The following SMYD3 variants were observed in gnomAD, a reference collection of about 807,000 sequenced individuals.
SMYD3 encodes SET and MYND domain containing 3, also known as histone-lysine N-methyltransferase SMYD3.
SMYD3 carries 36 observed loss-of-function variants against 57.7 expected under a neutral mutation model. The ratio of observed to expected loss-of-function variants is 0.62; its 90% CI spans 0.48 to 0.82. SMYD3 has a LOEUF of 0.82. Among genes scored for constraint, SMYD3 ranks in the 40% least tolerant of loss-of-function variants. The probability of loss-of-function intolerance (pLI) is 0.00; values close to 1 mark genes in which losing one functional copy is unlikely to be tolerated. For synonymous variants in SMYD3, 211 were observed against 195.0 expected (o/e 1.08, Z -0.68); for missense variants, 515 against 538.8 (o/e 0.96, Z 0.44).
At chr1:246,356,768 G>C (rs886954372) in intron 1 of SMYD3, among the ~76,000 whole-genome samples, 1 of 152,092 alleles carries the variant, frequency 6.6e-6, no homozygotes, top group Non-Finnish European at 1.5e-5. Flanking sequence ...TTAAAAATGA[G>C]CCAAGCATCC....
intron 1 of SMYD3, among the ~76,000 whole-genome samples, chr1:246,489,113 G>A (rs1232404857): frequency 2.0e-5 from 3 of 152,124 alleles, no homozygotes; most frequent in African/African-American, 4.8e-5. Context: ...GTGGGAGGCC[G>A]AGGCGGGCGG....
At chr1:245,844,705 A>C (rs1221550074) in intron 10 of SMYD3, among the ~76,000 whole-genome samples, 1 of 151,658 alleles carries the variant, frequency 6.6e-6, no homozygotes, top group African/African-American at 2.4e-5. Context: ...GTAAAGGAGA[A>C]GTCTTCTTTC....
intron 5 of SMYD3, among the ~76,000 whole-genome samples, chr1:246,281,147 T>C (rs1442141047): frequency 6.6e-6 from 1 of 152,204 alleles, no homozygotes; most frequent in Non-Finnish European, 1.5e-5. Flanking sequence ...AAAAGATACA[T>C]CTGAGAATTC....
In SMYD3 at chr1:245,958,970, T is replaced by C. The variant is rs573666985; in HGVS notation, c.532-29033A>G. Among the ~76,000 whole-genome samples, 121 of 152,306 alleles carry C rather than the reference T, an allele frequency of 7.9e-4. 4 individuals carry two copies. The South Asian group carries it at 0.025, about 31-fold the overall frequency. ...TCTCCCAGGCTGGAGTTTGGTGGCA[T>C]GATCTCAGCTCACTTCAACCTCCGC... On this transcript the variant is annotated intron_variant, in intron 5 of 11. Transcript: ENST00000490107.
chr1:246,133,377 G>A (rs2061616750), intron 5 of SMYD3, among the ~76,000 whole-genome samples: 1 of 151,960 alleles, frequency 6.6e-6, no homozygotes, highest in African/African-American at 2.4e-5. Flanking sequence ...GAAAGGATGA[G>A]AATGTTTCCC....
At chr1:246,331,370 G>T (rs2065459304) in intron 3 of SMYD3, among the ~76,000 whole-genome samples, 1 of 152,318 alleles carries the variant, frequency 6.6e-6, no homozygotes, top group Non-Finnish European at 1.5e-5. Flanking sequence ...CCTTGAAGAG[G>T]AAAGTAGAAA....
intron 5 of SMYD3, among the ~76,000 whole-genome samples, chr1:246,154,366 C>A (rs567245160): frequency 6.6e-6 from 1 of 152,220 alleles, no homozygotes; most frequent in Non-Finnish European, 1.5e-5. Context: ...AGTAATCTGC[C>A]CCAGTGAGAG....
intron 8 of SMYD3, among the ~76,000 whole-genome samples, chr1:245,897,111 AAAG>A (rs1237340098): frequency 6.6e-6 from 1 of 152,268 alleles, no homozygotes; most frequent in East Asian, 1.9e-4. Flanking sequence ...TTAAAGTAAA[AAAG>A]AAGTTATAAA....
At chr1:246,138,461 T>C (rs1469046595) in intron 5 of SMYD3, among the ~76,000 whole-genome samples, 1 of 145,548 alleles carries the variant, frequency 6.9e-6, no homozygotes, top group Non-Finnish European at 1.5e-5. Flanking sequence ...AGTCTCGCTC[T>C]GTCGCCCAGG....
chr1:246,365,970 C>T (rs1429124745), intron 1 of SMYD3, among the ~76,000 whole-genome samples: 1 of 152,182 alleles, frequency 6.6e-6, no homozygotes, highest in Non-Finnish European at 1.5e-5. Flanking sequence ...GATTTTCTCA[C>T]TTCCCTCTCT....
chr1:246,126,844 C>T (rs1302243966), intron 5 of SMYD3, among the ~76,000 whole-genome samples: 3 of 152,158 alleles, frequency 2.0e-5, no homozygotes, highest in African/African-American at 7.2e-5. Context: ...TAATAAAATG[C>T]ACTGAAAGCT....
intron 10 of SMYD3, among the ~76,000 whole-genome samples, chr1:245,766,539 G>T (rs1486317340): frequency 4.0e-5 from 6 of 151,880 alleles, no homozygotes; most frequent in African/African-American, 1.5e-4. Context: ...CTTACGAAAT[G>T]AACATCATTA....
At chr1:246,307,541 T>C (rs2148626175) in intron 5 of SMYD3, among the ~76,000 whole-genome samples, 1 of 146,580 alleles carries the variant, frequency 6.8e-6, no homozygotes, top group African/African-American at 2.5e-5. Flanking sequence ...TGCCTCAGCC[T>C]CCCGAGTAGC....
intron 5 of SMYD3, among the ~76,000 whole-genome samples, chr1:246,241,562 G>T (rs1442860472): frequency 2.0e-5 from 3 of 151,972 alleles, no homozygotes; most frequent in Admixed American, 6.6e-5. Flanking sequence ...TCTTTTTTTT[G>T]TTGTGTCTCT....
intron 1 of SMYD3, among the ~76,000 whole-genome samples, chr1:246,401,741 T>G (rs1348046591): frequency 1.2e-4 from 16 of 128,372 alleles, no homozygotes; most frequent in Non-Finnish European, 2.7e-4. Flanking sequence ...TTTTTTTTTT[T>G]GAGCCAGTTT....
chr1:246,167,730 C>G (rs2062245056), intron 5 of SMYD3, among the ~76,000 whole-genome samples: 1 of 152,076 alleles, frequency 6.6e-6, no homozygotes, highest in Non-Finnish European at 1.5e-5. Flanking sequence ...AGGCTGGTCT[C>G]AAACTCCTGA....
At chr1:245,886,321 T>C in intron 8 of SMYD3, among the ~76,000 whole-genome samples, 1 of 152,060 alleles carries the variant, frequency 6.6e-6, no homozygotes, top group East Asian at 1.9e-4. Context: ...ACATCTCTCC[T>C]TACTTATTAG....
intron 9 of SMYD3, among the ~76,000 whole-genome samples, chr1:245,862,244 C>A (rs892006058): frequency 2.0e-5 from 3 of 152,138 alleles, no homozygotes; most frequent in Non-Finnish European, 4.4e-5. Flanking sequence ...CAGAAATAAT[C>A]AGACTGGTAC....
chr1:246,035,320 T>G (rs564748257), intron 5 of SMYD3: 1 of 152,362 alleles, frequency 6.6e-6, no homozygotes, highest in East Asian at 1.9e-4. Flanking sequence ...AATGCCATCT[T>G]GCTGCAAGCC....
Sources: allele counts gnomAD v4.1 joint callset (sites outside exome capture counted in the v4.1 genomes callset), GRCh38; gene constraint gnomAD v4.1.1; transcripts MANE v1.5; gene names NCBI Gene and HGNC (gene_info 2026-07-23, HGNC 2026-07-21).